Variants in PPP1R16B observed in about 807,000 individuals in gnomAD.
PPP1R16B encodes protein phosphatase 1 regulatory subunit 16B.
In PPP1R16B, 14 loss-of-function variants were observed where a neutral mutation model predicts 61.7. That is an observed-to-expected ratio of 0.23 (90% confidence interval 0.15 to 0.35). PPP1R16B has a LOEUF of 0.35. Among genes scored for constraint, PPP1R16B ranks in the 10% least tolerant of loss-of-function variants. The pLI, the probability that PPP1R16B is intolerant of heterozygous loss-of-function variation, is 1.00. For missense variants in PPP1R16B, 547 were observed against 752.5 expected (o/e 0.73, Z 3.19); for synonymous variants, 266 against 305.3 (o/e 0.87, Z 1.34).
In PPP1R16B at chr20:38,907,968, G is replaced by C. The variant is rs112409155; in HGVS notation, c.1028+33G>C. The C allele has an allele frequency of 0.021, 33,487 of 1,613,982 alleles. 509 individuals carry two copies. Among genetic ancestry groups the C allele is most frequent in the African/African-American group, 0.056 (4,192 of 75,046 alleles). ...CGGGGCAGGGCAGCCAGGAGTCCCT[G>C]TGTGTGCTCCTGCCTGTGGTGCCTG... On this transcript the variant is annotated intron_variant, in intron 9 of 10. Coordinates refer to ENST00000299824, the MANE Select transcript of PPP1R16B (RefSeq NM_015568.4). This position sits in a 1 kb window ranked among gnomAD's most constrained non-coding sequence, Gnocchi z 4.5.
chr20:38,816,040 G>A (rs145654268), intron 1 of PPP1R16B, among the ~76,000 whole-genome samples: 1 of 152,122 alleles, frequency 6.6e-6, no homozygotes, highest in African/African-American at 2.4e-5. Flanking sequence ...CAGGGTGTGA[G>A]GAGGCTTGAA....
At chr20:38,899,271 C>G (rs2085373728) in intron 4 of PPP1R16B, among the ~76,000 whole-genome samples, 1 of 152,192 alleles carries the variant, frequency 6.6e-6, no homozygotes, top group Admixed American at 6.5e-5. Flanking sequence ...CTGATGGGAA[C>G]CTGAGTATGG....
Position 38,918,595 on chromosome 20 carries a change from C to A in PPP1R16B, c.1633C>A (p.Pro545Thr), listed in dbSNP as rs898350060. The A allele has an allele frequency of 3.3e-6, 5 of 1,530,490 alleles. No homozygotes were observed. The African/African-American group carries it at 6.9e-5, about 21-fold the overall frequency. 94.8% of individuals were successfully genotyped at this position (1,530,490 alleles called of 1,614,324 possible). A position where few individuals can be genotyped will look rare whatever the true frequency, so the allele number is the denominator to read the frequency against. Reference protein sequence around the residue: ...VYYTVTSGDPPLLKFKAPIEE... With the variant: ...VYYTVTSGDPTLLKFKAPIEE... ...TTACACGGTCACCAGCGGAGATCCC[C>A]CACTCTTAAAGTTCAAGGCCCCCAT... is the stretch of plus-strand genomic sequence containing the variant. Residue 545 changes from proline to threonine, a missense_variant, in exon 11 of 11, where the codon CCA becomes ACA. Transcript: ENST00000299824. The surrounding 1 kb of genome is among the most constrained non-coding windows in gnomAD (Gnocchi z 5.3).
At position 38,899,717 on chromosome 20, in the gene PPP1R16B, A is replaced by G. The variant is rs772790547; in HGVS notation, c.468-864A>G. Among the ~76,000 whole-genome samples the G allele has an allele frequency of 3.3e-5, 5 of 152,282 alleles. No homozygotes were observed. The South Asian group carries it at 1.0e-3, about 32-fold the overall frequency. ...ACATGGAGAAGTAAAAAGAACTAAT[A>G]TGAGAGACCTGGTTTTGAGTCTGGA... On this transcript the variant is annotated intron_variant, in intron 4 of 10. Coordinates refer to ENST00000299824, the MANE Select transcript of PPP1R16B (RefSeq NM_015568.4).
chr20:38,870,999 A>G (rs1358814301), intron 2 of PPP1R16B, among the ~76,000 whole-genome samples: 11 of 152,094 alleles, frequency 7.2e-5, no homozygotes, highest in Admixed American at 7.2e-4. Flanking sequence ...CCGCAGCTGC[A>G]CCTTTAAACA....
rs560046839 is a variant in PPP1R16B at position 38,894,430 on chromosome 20, C to T, written c.322-1135C>T. Among the ~76,000 whole-genome samples, 32 of 152,362 alleles carry T rather than the reference C, an allele frequency of 2.1e-4. No homozygotes were observed. In the South Asian group the frequency reaches 6.6e-3, roughly 32 times the overall value. ...ACTGGGTGGCTTCAACACAGCTCCT[C>T]ACTGTCCCCTCCCAACGTGCACACA... is the stretch of plus-strand genomic sequence containing the variant. On this transcript the variant is annotated intron_variant, in intron 3 of 10. Transcript: ENST00000299824.
At chr20:38,862,718 G>A (rs758501331) in intron 2 of PPP1R16B, among the ~76,000 whole-genome samples, 1 of 152,198 alleles carries the variant, frequency 6.6e-6, no homozygotes, top group Non-Finnish European at 1.5e-5. Context: ...AGGAGGGAGA[G>A]CATGGCCACA....
intron 1 of PPP1R16B, among the ~76,000 whole-genome samples, chr20:38,811,936 G>T (rs905599957): frequency 6.6e-6 from 1 of 152,224 alleles, no homozygotes; most frequent in Admixed American, 6.5e-5. Flanking sequence ...ATTCAGCTGT[G>T]TGTCTCCAGT....
intron 2 of PPP1R16B, among the ~76,000 whole-genome samples, chr20:38,882,516 G>C (rs762009608): frequency 7.2e-5 from 11 of 152,172 alleles, no homozygotes; most frequent in Non-Finnish European, 1.5e-4. Context: ...AAAGCATTGG[G>C]ATTACGGGTG....
Position 38,918,339 on chromosome 20 carries a change from C to A in PPP1R16B, c.1377C>A (p.Asn459Lys). 1.2e-6 allele frequency: 2 copies of A among 1,614,180 alleles called. No individual in the cohort carries two copies. Among genetic ancestry groups the A allele is most frequent in the Middle Eastern group, 1.6e-4 (1 of 6,062 alleles). The change falls in exon 11 of 11, where the codon AAC becomes AAA. Residue 459 changes from asparagine to lysine, a missense_variant. Asn to Lys is a moderately conservative substitution (Grantham distance 94, BLOSUM62 0). Coordinates refer to ENST00000299824, the MANE Select transcript of PPP1R16B (RefSeq NM_015568.4). The surrounding 1 kb of genome is among the most constrained non-coding windows in gnomAD (Gnocchi z 5.3). Reference protein sequence around the residue: ...EVPDYSMAYGNPGVADATPPW... With the variant: ...EVPDYSMAYGKPGVADATPPW... ...CTGACTACAGCATGGCCTATGGCAA[C>A]CCTGGCGTGGCCGACGCCACCCCGC...
chr20:38,917,057 G>A (rs573242757), intron 10 of PPP1R16B, among the ~76,000 whole-genome samples: 14 of 152,270 alleles, frequency 9.2e-5, no homozygotes, highest in South Asian at 2.1e-4. Context: ...AGCACTTTGG[G>A]AAGCTGAGGA....
chr20:38,909,766 C>T (rs901155626), intron 10 of PPP1R16B, among the ~76,000 whole-genome samples: 2 of 152,150 alleles, frequency 1.3e-5, no homozygotes, highest in African/African-American at 2.4e-5. Context: ...GGTGCCTGCC[C>T]AAGGGGAGGC....
rs2085338124 is a variant in PPP1R16B at position 38,895,959 on chromosome 20, T to TCTTCTTTCTTCCCTCCCTCCCTCCTTC, written c.467+259_467+285dup. ...TTCTTTCTTCCCTCCCTCCCTCCTT[T>TCTTCTTTCTTCCCTCCCTCCCTCCTTC]CTTCTTTCTTCCCTCCCTCCCTCCT... is the stretch of plus-strand genomic sequence containing the variant. On this transcript the variant is annotated intron_variant, in intron 4 of 10. Transcript: ENST00000299824. 6.6e-4 allele frequency among the ~76,000 whole-genome samples: 20 copies of TCTTCTTTCTTCCCTCCCTCCCTCCTTC among 30,412 alleles called. 1 individual carries two copies. The highest frequency in any genetic ancestry group is 2.3e-3 in the Admixed American group (7 of 2,988). 20.0% of individuals were successfully genotyped at this position (30,412 alleles called of 152,430 possible). A position where few individuals can be genotyped will look rare whatever the true frequency, so the allele number is the denominator to read the frequency against.
intron 4 of PPP1R16B, among the ~76,000 whole-genome samples, chr20:38,899,977 G>A (rs1047650119): frequency 1.3e-5 from 2 of 152,066 alleles, no homozygotes; most frequent in Non-Finnish European, 2.9e-5. Context: ...TGTATTTTTA[G>A]TAGAGACAGG....
Position 38,918,705 on chromosome 20 carries a change from C to A in PPP1R16B, c.*39C>A, listed in dbSNP as rs755727509. 4.7e-6 allele frequency: 7 copies of A among 1,485,494 alleles called. No homozygotes were observed. Among genetic ancestry groups the A allele is most frequent in the Admixed American group, 2.4e-5 (1 of 42,392 alleles). The allele number at this position is 1,485,494 out of a possible 1,614,324, so 92.0% of individuals were successfully genotyped here. On this transcript the variant is annotated 3_prime_UTR_variant, in exon 11 of 11. Coordinates refer to ENST00000299824, the MANE Select transcript of PPP1R16B (RefSeq NM_015568.4). This position sits in a 1 kb window ranked among gnomAD's most constrained non-coding sequence, Gnocchi z 5.3. ...GAGGAGGGAGATGCCTGGGGAGGGG[C>A]TCCTGGAATCCAGGCCAGCCCAACA...
At chr20:38,853,282 G>C (rs564870519) in intron 2 of PPP1R16B, among the ~76,000 whole-genome samples, 1 of 152,242 alleles carries the variant, frequency 6.6e-6, no homozygotes, top group Admixed American at 6.5e-5. Flanking sequence ...TCCCATATTT[G>C]TACCAACAAA....
intron 10 of PPP1R16B, among the ~76,000 whole-genome samples, chr20:38,913,653 G>T (rs6015984): frequency 3.5e-4 from 53 of 152,306 alleles, no homozygotes; most frequent in African/African-American, 1.3e-3. Flanking sequence ...GCAAGATCTT[G>T]GAGGTCAAGG....
In PPP1R16B at chr20:38,912,145, C is replaced by A. The variant is rs141609247; in HGVS notation, c.1194+3952C>A. Among the ~76,000 whole-genome samples, 669 of 146,878 alleles carry A rather than the reference C, an allele frequency of 4.6e-3. 19 individuals are homozygous for A. Among genetic ancestry groups the A allele is most frequent in the Admixed American group, 0.038 (561 of 14,662 alleles). The stretch of plus-strand genomic sequence containing the variant: ...ACAGAGTTCCGCTCTTGTTGCCTAG[C>A]CTGGAGTGCAATGGCGCCATCTCGG... On this transcript the variant is annotated intron_variant, in intron 10 of 10. Transcript: ENST00000299824.
chr20:38,828,884 C>G lies in PPP1R16B; in HGVS notation c.-101-6941C>G, dbSNP rs189411090. ...CCCCAAATAACACTCTTGTAATAGT[C>G]TTCTTTCTTTTTTGAAGGTGGAGAG... On this transcript the variant is annotated intron_variant, in intron 1 of 10. Coordinates refer to ENST00000299824, the MANE Select transcript of PPP1R16B (RefSeq NM_015568.4). Among the ~76,000 whole-genome samples, 10 of 152,286 alleles carry G rather than the reference C, an allele frequency of 6.6e-5. No homozygotes were observed. The East Asian group carries it at 1.9e-3, about 29-fold the overall frequency.
Sources: allele counts gnomAD v4.1 joint callset (sites outside exome capture counted in the v4.1 genomes callset), GRCh38; gene constraint gnomAD v4.1.1; non-coding constraint Gnocchi (gnomAD v3.1); transcripts MANE v1.5; gene names NCBI Gene and HGNC (gene_info 2026-07-23, HGNC 2026-07-21).